The following ELP2 variants were observed in gnomAD, a reference collection of about 807,000 sequenced individuals.
ELP2 encodes the protein elongator acetyltransferase complex subunit 2, also known as elongator complex protein 2.
A neutral mutation model predicts 119.2 loss-of-function variants in ELP2; 90 were observed. The ratio of observed to expected loss-of-function variants is 0.75; its 90% confidence interval spans 0.64 to 0.90. The LOEUF is 0.90. Among genes scored for constraint, ELP2 ranks in the 40% least tolerant of loss-of-function variants. The probability of loss-of-function intolerance (pLI) is 0.00; values close to 1 mark genes in which losing one functional copy is unlikely to be tolerated. For synonymous variants in ELP2, 339 were observed against 331.0 expected, an observed-to-expected ratio of 1.02 and a Z score of -0.26; for missense variants, 921 against 967.8, an observed-to-expected ratio of 0.95 and a Z score of 0.64.
chr18:36,155,262 C>T (rs1473119485), intron 12 of ELP2, among the ~76,000 whole-genome samples: 3 of 50,014 alleles, frequency 6.0e-5, no homozygotes, highest in Non-Finnish European at 4.4e-5. Flanking sequence ...ATGCACCGCC[C>T]CTCCCCCCCC....
At chr18:36,144,564 T>C (rs1425448106) in intron 8 of ELP2, among the ~76,000 whole-genome samples, 1 of 152,184 alleles carries the variant, frequency 6.6e-6, no homozygotes, top group Non-Finnish European at 1.5e-5. Context: ...CCAAACCATA[T>C]CAGTATTTTA....
chr18:36,152,381 C>T (rs940062823), intron 11 of ELP2, among the ~76,000 whole-genome samples: 2 of 152,168 alleles, frequency 1.3e-5, no homozygotes, highest in Non-Finnish European at 2.9e-5. Context: ...GCTGAGACAG[C>T]AAGTTTAATA....
chr18:36,141,006 A>G (rs529591948), intron 5 of ELP2, 131 bp from the exon 6 acceptor site: 2 of 775,524 alleles, frequency 2.6e-6, no homozygotes, highest in East Asian at 2.5e-5. Context: ...AGCATTTTCA[A>G]TTATTCGTGT....
At position 36,169,066 on chromosome 18, in the gene ELP2, A is replaced by G. The variant is rs1342253214; in HGVS notation, c.2077-997A>G. Among the ~76,000 whole-genome samples the G allele has an allele frequency of 2.0e-5, 3 of 151,498 alleles. No individual in the cohort carries two copies. The East Asian group carries it at 5.9e-4, about 30-fold the overall frequency. On this transcript the variant is annotated intron_variant, in intron 19 of 21. Transcript: ENST00000358232. ...CAGCCTCCTGAGTAGCTGGGATTAC[A>G]GGCACCCACCACCATGCCCGGCTAA...
At chr18:36,154,711 A>G in intron 11 of ELP2, 139 bp from the exon 12 acceptor site, 1 of 847,660 alleles carries the variant, frequency 1.2e-6, no homozygotes, top group Non-Finnish European at 1.9e-6. Flanking sequence ...GGATCCTATT[A>G]TTCTGTGATC....
rs28733266 is a variant in ELP2, at chr18:36,169,925, A to G, written c.2077-138A>G. On this transcript the variant is annotated intron_variant, in intron 19 of 21. Transcript: ENST00000358232. ...TTGAAATGCTCTCAAGTCCTGGCACACCATACACGAATGTAATGATGCATT... is the reference window on the plus strand; with the variant it reads ...TTGAAATGCTCTCAAGTCCTGGCACGCCATACACGAATGTAATGATGCATT... 3,098 of 1,114,526 alleles carry G rather than the reference A, an allele frequency of 2.8e-3. 71 individuals carry two copies. The African/African-American group carries it at 0.042, about 15-fold the overall frequency. 69.0% of individuals were successfully genotyped at this position (1,114,526 alleles called of 1,614,324 possible). A position where few individuals can be genotyped will look rare whatever the true frequency, so the allele number is the denominator to read the frequency against.
chr18:36,142,705 A>G (rs2090071129), intron 7 of ELP2, 121 bp from the exon 8 acceptor site: 1 of 689,928 alleles, frequency 1.4e-6, no homozygotes, highest in Non-Finnish European at 2.4e-6. Flanking sequence ...GAGGGTAAGG[A>G]AACAAAGTAT....
chr18:36,160,050 T>C, intron 16 of ELP2, 35 bp downstream of exon 16: 1 of 1,606,910 alleles, frequency 6.2e-7, no homozygotes, highest in Non-Finnish European at 8.5e-7. Flanking sequence ...TTGGTCTGAT[T>C]CTGTCGTAAC....
At chr18:36,166,997 G>A (rs1269349464) in intron 18 of ELP2, 104 bp from the exon 19 acceptor site, 3 of 1,207,458 alleles carry the variant, frequency 2.5e-6, no homozygotes, top group Middle Eastern at 2.0e-4. Flanking sequence ...CATATAAATT[G>A]AATATTAAGT....
At chr18:36,166,824 G>T in intron 18 of ELP2, 1 of 240,796 alleles carries the variant, frequency 4.2e-6, no homozygotes, top group Non-Finnish European at 7.9e-6. Context: ...TTCTTCTGTA[G>T]GCGTGAGTTG....
At chr18:36,142,077 A>G (rs986194265) in intron 6 of ELP2, among the ~76,000 whole-genome samples, 23 of 152,174 alleles carry the variant, frequency 1.5e-4, no homozygotes, top group African/African-American at 5.6e-4. Context: ...ATATTATATT[A>G]TCTACTCAGA....
intron 18 of ELP2, among the ~76,000 whole-genome samples, chr18:36,166,348 C>G (rs8098449): frequency 0.91 from 82,433 of 90,764 alleles, 37,113 homozygotes; most frequent in Middle Eastern, 0.94. Flanking sequence ...TTTTTTTTTT[C>G]AGACGGAGTT....
chr18:36,130,177 G>A, intron 1 of ELP2, 106 bp downstream of exon 1: 1 of 1,495,672 alleles, frequency 6.7e-7, no homozygotes, highest in Non-Finnish European at 9.2e-7. Context: ...GAGGCGAGTC[G>A]GGTCGGCTCA....
Position 36,142,278 on chromosome 18 carries a change from T to G in ELP2, c.589-3T>G, listed in dbSNP as rs2090058021. ...TCAAGCCCAATGATTTTTATCTTAC[T>G]AGTTTCAGAAAGTGCTTTCTCTCTG... On this transcript the variant is annotated splice_polypyrimidine_tract_variant and splice_region_variant and intron_variant, in intron 6 of 21. Transcript: ENST00000358232. 1 of 1,612,916 alleles carries G rather than the reference T, an allele frequency of 6.2e-7. No individual in the cohort carries two copies. The highest frequency in any genetic ancestry group is 8.5e-7 in the Non-Finnish European group (1 of 1,179,006).
Position 36,143,648 on chromosome 18 carries a change from T to C in ELP2, c.796+682T>C, listed in dbSNP as rs774208422. On this transcript the variant is annotated intron_variant, in intron 8 of 21. Transcript: ENST00000358232. ...CTGGCCTCAAATGATCCTTCCACCT[T>C]GGTATCCTAAAGTGTTGGGATTACA... Among the ~76,000 whole-genome samples, 117 of 147,980 alleles carry C rather than the reference T, an allele frequency of 7.9e-4. 1 individual carries two copies. The highest frequency in any genetic ancestry group is 2.9e-4 in the Non-Finnish European group (19 of 65,776).
chr18:36,166,416 C>T lies in ELP2; in HGVS notation c.1955-685C>T, dbSNP rs372009061. 1.3e-4 allele frequency among the ~76,000 whole-genome samples: 19 copies of T among 147,544 alleles called. No individual in the cohort carries two copies. The East Asian group carries it at 1.6e-3, about 13-fold the overall frequency. On this transcript the variant is annotated intron_variant, in intron 18 of 21. Transcript: ENST00000358232. The stretch of plus-strand genomic sequence containing the variant: ...TATGATCTCAGCTCACTGCAGCCTC[C>T]GCCTCCTGGGTTCAAGTGATTCTCC...
intron 12 of ELP2, among the ~76,000 whole-genome samples, chr18:36,155,204 G>A (rs1024254086): frequency 1.3e-5 from 2 of 150,084 alleles, no homozygotes; most frequent in African/African-American, 2.5e-5. Context: ...GTAGAGATGG[G>A]GTTTCACCAT....
At chr18:36,171,184 C>A in intron 21 of ELP2, 24 bp downstream of exon 21, 1 of 1,561,956 alleles carries the variant, frequency 6.4e-7, no homozygotes, top group Non-Finnish European at 8.8e-7. Flanking sequence ...ATTTTTGTTT[C>A]CATCAGATTA....
intron 5 of ELP2, among the ~76,000 whole-genome samples, chr18:36,140,623 G>A (rs1478485843): frequency 6.6e-6 from 1 of 152,090 alleles, no homozygotes; most frequent in African/African-American, 2.4e-5. Flanking sequence ...TAACGCCCTA[G>A]GATTACAGGC....
Sources: gnomAD v4.1 joint callset for allele counts (sites outside exome capture counted in the v4.1 genomes callset) on GRCh38, gnomAD v4.1.1 for gene constraint, MANE v1.5 for transcripts, NCBI Gene and HGNC (gene_info 2026-07-23, HGNC 2026-07-21) for gene names.